FRAS1: variants seen among roughly 807,000 people sequenced by gnomAD.
FRAS1 encodes the protein Fraser extracellular matrix complex subunit 1.
FRAS1 carries 290 observed loss-of-function variants against 435.2 expected under a neutral mutation model. The ratio of observed to expected loss-of-function variants is 0.67; its 90% CI spans 0.61 to 0.73. The LOEUF is 0.73. Ranked by LOEUF, FRAS1 falls within the 30% of genes least tolerant of loss-of-function variation. FRAS1 has a pLI of 0.00. For missense variants in FRAS1, 4,860 were observed against 5,001.5 expected, an observed-to-expected ratio of 0.97 and a Z score of 0.85; for synonymous variants, 1,800 against 1,851.0, an observed-to-expected ratio of 0.97 and a Z score of 0.71.
chr4:78,237,833 T>C (rs1381575444), intron 3 of FRAS1, among the ~76,000 whole-genome samples: 2 of 152,226 alleles, frequency 1.3e-5, no homozygotes, highest in African/African-American at 4.8e-5. Flanking sequence ...TTTCCATTTA[T>C]TGGGCATTTA....
At chr4:78,507,958 C>G (rs1029202380) in intron 62 of FRAS1, among the ~76,000 whole-genome samples, 3 of 152,148 alleles carry the variant, frequency 2.0e-5, no homozygotes, top group Non-Finnish European at 4.4e-5. Flanking sequence ...AAAGTGAGAC[C>G]AAATCCTGTT....
Position 78,488,942 on chromosome 4 carries a change from T to TA in FRAS1, c.8821dup (p.Ile2941AsnfsTer10). 6.2e-7 allele frequency: 1 copy of TA among 1,613,562 alleles called. No homozygotes were observed. Among genetic ancestry groups the TA allele is most frequent in the Non-Finnish European group, 8.5e-7 (1 of 1,179,714 alleles). On this transcript the variant is annotated frameshift_variant, in exon 59 of 74. Transcript: ENST00000512123. LOFTEE classifies it high-confidence loss of function. The stretch of plus-strand genomic sequence containing the variant: ...AGAAGGAGGGTGTCCTGCATGTCCC[T>TA]ATCACTCGGAGCGGAGACCTGAGCT...
Position 78,457,633 on chromosome 4 carries a change from C to T in FRAS1, c.6763+5279C>T, listed in dbSNP as rs548579413. 8.5e-5 allele frequency among the ~76,000 whole-genome samples: 13 copies of T among 152,296 alleles called. No homozygotes were observed. The South Asian group carries it at 2.7e-3, about 32-fold the overall frequency. On this transcript the variant is annotated intron_variant, in intron 47 of 73. Transcript: ENST00000512123. ...CTTTCATCAGCTATTTACTAATCAC[C>T]GACGTACCCACGAAAGTGAGTGCCC...
chr4:78,384,892 A>T (rs1241443055), intron 28 of FRAS1, among the ~76,000 whole-genome samples: 4 of 142,024 alleles, frequency 2.8e-5, no homozygotes, highest in African/African-American at 1.1e-4. Flanking sequence ...TGAGCAACAC[A>T]GTGAGACCCT....
intron 2 of FRAS1, among the ~76,000 whole-genome samples, chr4:78,124,697 T>A (rs1247243857): frequency 6.6e-6 from 1 of 152,224 alleles, no homozygotes; most frequent in Non-Finnish European, 1.5e-5. Context: ...CCTGGTTTAG[T>A]CTTGGGAGGG....
intron 47 of FRAS1, among the ~76,000 whole-genome samples, chr4:78,462,472 T>G (rs544363661): frequency 1.5e-4 from 23 of 152,282 alleles, no homozygotes; most frequent in African/African-American, 5.3e-4. Flanking sequence ...AAAAAATGTT[T>G]AAAAAAATCA....
At chr4:78,316,431 T>C (rs1729257124) in intron 16 of FRAS1, among the ~76,000 whole-genome samples, 1 of 152,102 alleles carries the variant, frequency 6.6e-6, no homozygotes, top group Non-Finnish European at 1.5e-5. Flanking sequence ...TCAACATCTC[T>C]CCTTAGCAGC....
At chr4:78,529,201 G>C (rs1318094708) in intron 70 of FRAS1, among the ~76,000 whole-genome samples, 1 of 152,124 alleles carries the variant, frequency 6.6e-6, no homozygotes, top group Non-Finnish European at 1.5e-5. Flanking sequence ...ACAATGCCAG[G>C]AAGCACCATA....
At chr4:78,310,899 G>A (rs1728990616) in intron 15 of FRAS1, among the ~76,000 whole-genome samples, 1 of 152,220 alleles carries the variant, frequency 6.6e-6, no homozygotes, top group East Asian at 1.9e-4. Flanking sequence ...AAATCTCAAA[G>A]TCAAGTACTT....
In FRAS1 at chr4:78,507,322, C is replaced by T. The variant is rs556743577; in HGVS notation, c.9317-99C>T. ...ATAGAACACCACTAAAAAGAAAGAA[C>T]ATATTTTAACATAATGTCTCAGCAG... On this transcript the variant is annotated intron_variant, in intron 61 of 73. Coordinates refer to ENST00000512123, the MANE Select transcript of FRAS1 (RefSeq NM_025074.7). The T allele has an allele frequency of 4.9e-6, 5 of 1,027,048 alleles. No homozygotes were observed. In the South Asian group the frequency reaches 7.6e-5, roughly 16 times the overall value. The allele number at this position is 1,027,048 out of a possible 1,614,324, so 63.6% of individuals were successfully genotyped here. A position where few individuals can be genotyped will look rare whatever the true frequency, so the allele number is the denominator to read the frequency against.
intron 9 of FRAS1, among the ~76,000 whole-genome samples, chr4:78,275,317 T>G (rs1417395160): frequency 6.6e-6 from 1 of 152,224 alleles, no homozygotes; most frequent in Non-Finnish European, 1.5e-5. Flanking sequence ...CATTTACATT[T>G]AAGGTTAATA....
intron 52 of FRAS1, 65 bp from the exon 53 acceptor site, chr4:78,473,373 G>A (rs1719765351): frequency 2.3e-6 from 3 of 1,324,926 alleles, no homozygotes; most frequent in Admixed American, 1.9e-5. Flanking sequence ...GTTTGTTGGT[G>A]TGGTAATCTA....
intron 16 of FRAS1, 30 bp downstream of exon 16, chr4:78,315,764 A>G: frequency 6.2e-7 from 1 of 1,612,836 alleles, no homozygotes; most frequent in Middle Eastern, 1.7e-4. Context: ...CATCATCATC[A>G]AAAAGTATTG....
chr4:78,455,949 G>A (rs1013998927), intron 47 of FRAS1, among the ~76,000 whole-genome samples: 1 of 152,094 alleles, frequency 6.6e-6, no homozygotes, highest in South Asian at 2.1e-4. Flanking sequence ...TTTTCTCTCA[G>A]AGTAATCCAA....
intron 70 of FRAS1, 143 bp downstream of exon 70, chr4:78,526,800 T>A: frequency 1.7e-6 from 1 of 584,978 alleles, no homozygotes. Flanking sequence ...TCACAAAACA[T>A]TTGAGTCACT....
At chr4:78,374,081 A>G in intron 24 of FRAS1, 30 bp from the exon 25 acceptor site, 1 of 1,545,554 alleles carries the variant, frequency 6.5e-7, no homozygotes, top group Middle Eastern at 1.7e-4. Context: ...AGCCACACAG[A>G]TTCCTGATGA....
chr4:78,408,138 G>T (rs1733177896), intron 31 of FRAS1, among the ~76,000 whole-genome samples: 1 of 152,128 alleles, frequency 6.6e-6, no homozygotes, highest in Admixed American at 6.5e-5. Flanking sequence ...CAAGTGAAAA[G>T]GGAAACTTCT....
intron 30 of FRAS1, among the ~76,000 whole-genome samples, chr4:78,403,637 T>A (rs956471952): frequency 1.3e-5 from 2 of 152,210 alleles, no homozygotes; most frequent in Non-Finnish European, 2.9e-5. Context: ...TGTAAATTGC[T>A]TGTATAGTAT....
intron 2 of FRAS1, among the ~76,000 whole-genome samples, chr4:78,116,363 G>A (rs1395692253): frequency 6.6e-6 from 1 of 152,196 alleles, no homozygotes; most frequent in Non-Finnish European, 1.5e-5. Flanking sequence ...GTGCAGAGCT[G>A]AGTTTAATTC....
Sources: gnomAD v4.1 joint callset for allele counts (sites outside exome capture counted in the v4.1 genomes callset) on GRCh38, gnomAD v4.1.1 for gene constraint, MANE v1.5 for transcripts, NCBI Gene and HGNC (gene_info 2026-07-23, HGNC 2026-07-21) for gene names.